The following GABRG3 variants were observed in gnomAD, a reference collection of about 807,000 sequenced individuals.
GABRG3 encodes the protein gamma-aminobutyric acid type A receptor subunit gamma3, also known as gamma-aminobutyric acid receptor subunit gamma-3.
A neutral mutation model predicts 48.8 loss-of-function variants in GABRG3; 25 were observed. The ratio of observed to expected loss-of-function variants is 0.51; its 90% CI spans 0.37 to 0.72. The LOEUF is 0.72. Ranked by LOEUF, GABRG3 falls within the 30% of genes least tolerant of loss-of-function variation. The probability of loss-of-function intolerance (pLI) is 0.00; values close to 1 mark genes in which losing one functional copy is unlikely to be tolerated. For missense variants in GABRG3, 394 were observed against 577.9 expected, an observed-to-expected ratio of 0.68 and a Z score of 3.26; for synonymous variants, 227 against 217.6, an observed-to-expected ratio of 1.04 and a Z score of -0.38.
At chr15:27,111,847 A>G (rs981938552) in intron 3 of GABRG3, among the ~76,000 whole-genome samples, 1 of 151,998 alleles carries the variant, frequency 6.6e-6, no homozygotes, top group Non-Finnish European at 1.5e-5. Flanking sequence ...TTTACCCCCA[A>G]CCTCCATTCC....
chr15:27,202,473 G>C (rs1185540216), intron 3 of GABRG3, among the ~76,000 whole-genome samples: 4 of 152,140 alleles, frequency 2.6e-5, no homozygotes, highest in Non-Finnish European at 5.9e-5. Flanking sequence ...AAGCACATTT[G>C]TAAATTTTAA....
chr15:27,422,085 T>C (rs904300964), intron 5 of GABRG3, among the ~76,000 whole-genome samples: 4 of 150,480 alleles, frequency 2.7e-5, no homozygotes, highest in South Asian at 2.1e-4. Context: ...CCACCAATAC[T>C]GAGTGTCCTA....
At chr15:27,308,437 TTA>T in intron 3 of GABRG3, among the ~76,000 whole-genome samples, 1 of 145,138 alleles carries the variant, frequency 6.9e-6, no homozygotes, top group East Asian at 2.1e-4. Context: ...ACATACCTGT[TTA>T]TATAAACATA....
intron 5 of GABRG3, among the ~76,000 whole-genome samples, chr15:27,444,982 C>T (rs753867706): frequency 1.3e-5 from 2 of 152,106 alleles, no homozygotes; most frequent in Middle Eastern, 3.2e-3. Flanking sequence ...AGCAATTCTC[C>T]TGCCTCAGCC....
chr15:27,514,038 A>G (rs1462216536), intron 6 of GABRG3, among the ~76,000 whole-genome samples: 1 of 152,232 alleles, frequency 6.6e-6, no homozygotes, highest in Admixed American at 6.5e-5. Context: ...CTGATTATCT[A>G]AATAAATGAG....
At chr15:27,150,408 A>G (rs1490075085) in intron 3 of GABRG3, among the ~76,000 whole-genome samples, 1 of 152,204 alleles carries the variant, frequency 6.6e-6, no homozygotes, top group Non-Finnish European at 1.5e-5. Context: ...CAGTATTAAC[A>G]TATCTTTATT....
At chr15:27,503,757 T>C (rs745407624) in intron 6 of GABRG3, among the ~76,000 whole-genome samples, 3 of 152,230 alleles carry the variant, frequency 2.0e-5, no homozygotes, top group Non-Finnish European at 4.4e-5. Context: ...CAAGCATTTA[T>C]TGAGAGAGAA....
intron 3 of GABRG3, among the ~76,000 whole-genome samples, chr15:27,183,547 T>G (rs1180008898): frequency 6.6e-6 from 1 of 152,242 alleles, no homozygotes; most frequent in African/African-American, 2.4e-5. Flanking sequence ...GCACTGGACC[T>G]TAAAAAACTG....
At chr15:27,348,278 T>G (rs902413120) in intron 5 of GABRG3, among the ~76,000 whole-genome samples, 4 of 152,222 alleles carry the variant, frequency 2.6e-5, no homozygotes, top group African/African-American at 7.2e-5. Flanking sequence ...AATCTCATGC[T>G]GGTGCAATGA....
chr15:27,369,806 C>CAAAAAAAAAAAAAAAAAAAAAAAA (rs34901488), intron 5 of GABRG3, among the ~76,000 whole-genome samples: 1 of 30,270 alleles, frequency 3.3e-5, no homozygotes, highest in African/African-American at 9.0e-5. Context: ...GACTCCGTCT[C>CAAAAAAAAAAAAAAAAAAAAAAAA]AAAAAAAAAA....
intron 5 of GABRG3, among the ~76,000 whole-genome samples, chr15:27,403,912 AAC>A (rs1887547901): frequency 8.0e-6 from 1 of 125,072 alleles, no homozygotes; most frequent in Non-Finnish European, 1.5e-5. Context: ...CTCAAAAAAA[AAC>A]AAAAAAAAAA....
chr15:27,449,143 C>T (rs1193638994), intron 5 of GABRG3, among the ~76,000 whole-genome samples: 1 of 152,214 alleles, frequency 6.6e-6, no homozygotes, highest in Non-Finnish European at 1.5e-5. Flanking sequence ...AAATAGGTGC[C>T]TCCCTGCACC....
chr15:27,324,526 T>A (rs546888596), intron 3 of GABRG3, among the ~76,000 whole-genome samples: 1 of 152,332 alleles, frequency 6.6e-6, no homozygotes, highest in South Asian at 2.1e-4. Context: ...TTAACCATTT[T>A]TGCCATGGTA....
At chr15:27,071,888 T>C (rs974966925) in intron 3 of GABRG3, among the ~76,000 whole-genome samples, 1 of 152,242 alleles carries the variant, frequency 6.6e-6, no homozygotes, top group Non-Finnish European at 1.5e-5. Context: ...TTGATTACTT[T>C]CCTCTTTCAC....
At chr15:27,216,743 T>TTTA (rs1555410281) in intron 3 of GABRG3, among the ~76,000 whole-genome samples, 17 of 100,170 alleles carry the variant, frequency 1.7e-4, no homozygotes, top group African/African-American at 6.9e-4. Context: ...CTTTTTTTTT[T>TTTA]TTTATTTTTT....
chr15:27,304,544 G>A (rs540488919), intron 3 of GABRG3, among the ~76,000 whole-genome samples: 3 of 152,062 alleles, frequency 2.0e-5, no homozygotes, highest in African/African-American at 7.2e-5. Context: ...GAGGCTCAAA[G>A]AGAGAATTCA....
chr15:27,408,807 T>C (rs1327083153), intron 5 of GABRG3, among the ~76,000 whole-genome samples: 1 of 152,226 alleles, frequency 6.6e-6, no homozygotes, highest in Non-Finnish European at 1.5e-5. Context: ...GACAGGAAAC[T>C]GGACCCATTG....
At chr15:27,259,948 T>C (rs1247508767) in intron 3 of GABRG3, among the ~76,000 whole-genome samples, 1 of 152,126 alleles carries the variant, frequency 6.6e-6, no homozygotes, top group Non-Finnish European at 1.5e-5. Context: ...GGAAAGAGAA[T>C]TAGATAGATT....
At chr15:27,040,569 A>G (rs1030188718) in intron 3 of GABRG3, among the ~76,000 whole-genome samples, 1 of 152,128 alleles carries the variant, frequency 6.6e-6, no homozygotes, top group Non-Finnish European at 1.5e-5. Flanking sequence ...ACCAACAATT[A>G]ATTTTGCCAG....
Sources: allele counts gnomAD v4.1 joint callset (sites outside exome capture counted in the v4.1 genomes callset), GRCh38; gene constraint gnomAD v4.1.1; transcripts MANE v1.5; gene names NCBI Gene and HGNC (gene_info 2026-07-23, HGNC 2026-07-21).